ZBTB5: variants seen among roughly 807,000 people sequenced by gnomAD.
ZBTB5 encodes the protein zinc finger and BTB domain-containing protein 5.
A neutral mutation model predicts 37.9 loss-of-function variants in ZBTB5; 15 were observed. That is an observed-to-expected ratio of 0.40 (90% CI 0.26 to 0.61). ZBTB5 has a LOEUF of 0.61. Among genes scored for constraint, ZBTB5 ranks in the 20% least tolerant of loss-of-function variants. ZBTB5 has a pLI of 0.47. For missense variants in ZBTB5, 708 were observed against 856.8 expected (o/e 0.83, Z 2.17); for synonymous variants, 315 against 312.4 (o/e 1.01, Z -0.09).
At chr9:37,454,597 A>C (rs765223360) in intron 1 of ZBTB5, among the ~76,000 whole-genome samples, 11 of 152,264 alleles carry the variant, frequency 7.2e-5, no homozygotes, top group Non-Finnish European at 1.5e-4. Context: ...CATTAACATG[A>C]ATAATCAAAA....
chr9:37,464,694 T>C (rs1005412336), intron 1 of ZBTB5, among the ~76,000 whole-genome samples: 1 of 152,232 alleles, frequency 6.6e-6, no homozygotes, highest in Non-Finnish European at 1.5e-5. Flanking sequence ...AAATGCCTAT[T>C]AAACACTTCA....
At chr9:37,463,569 C>G (rs769216257) in intron 1 of ZBTB5, among the ~76,000 whole-genome samples, 1 of 152,162 alleles carries the variant, frequency 6.6e-6, no homozygotes, top group Non-Finnish European at 1.5e-5. Context: ...GTCTCCAATT[C>G]GATATAATTC....
rs950475375 is a variant in ZBTB5, at chr9:37,439,111, G to A, written c.*1407C>T. On this transcript the variant is annotated 3_prime_UTR_variant, in exon 2 of 2. Transcript: ENST00000307750. ...ATAAAATGAACTCATGTTCATGCAT[G>A]AATTAAACTGACTTCATGAGTTCTA... The A allele has an allele frequency of 2.6e-5, 4 of 152,224 alleles. No individual in the cohort carries two copies. The highest frequency in any genetic ancestry group is 4.4e-5 in the Non-Finnish European group (3 of 68,048). 9.4% of individuals were successfully genotyped at this position (152,224 alleles called of 1,614,324 possible).
At chr9:37,460,400 C>T (rs566846242) in intron 1 of ZBTB5, among the ~76,000 whole-genome samples, 17 of 151,576 alleles carry the variant, frequency 1.1e-4, no homozygotes, top group African/African-American at 3.9e-4. Context: ...CGCGCCATTG[C>T]GCTGGATCCA....
rs568780044 is a variant in ZBTB5, at chr9:37,464,659, A to C, written c.-5+556T>G. Among the ~76,000 whole-genome samples, 36 of 152,364 alleles carry C rather than the reference A, an allele frequency of 2.4e-4. No individual in the cohort carries two copies. The South Asian group carries it at 7.5e-3, about 32-fold the overall frequency. ...GCATCCCCCACAGCTCCTCGCACGA[A>C]GCCTGGGAGTAGTGGGCATTCAATA... On this transcript the variant is annotated intron_variant, in intron 1 of 1. Coordinates refer to ENST00000307750, the MANE Select transcript of ZBTB5 (RefSeq NM_014872.3).
chr9:37,450,293 C>T (rs922898178), intron 1 of ZBTB5, among the ~76,000 whole-genome samples: 1 of 152,002 alleles, frequency 6.6e-6, no homozygotes, highest in Admixed American at 6.6e-5. Flanking sequence ...GGTATTTACC[C>T]CAGACAACGA....
chr9:37,452,649 T>C (rs1403971159), intron 1 of ZBTB5, among the ~76,000 whole-genome samples: 1 of 152,128 alleles, frequency 6.6e-6, no homozygotes, highest in African/African-American at 2.4e-5. Flanking sequence ...AGTAAAGGTA[T>C]AATATGGGGC....
At chr9:37,459,473 A>C (rs1824249697) in intron 1 of ZBTB5, among the ~76,000 whole-genome samples, 1 of 152,014 alleles carries the variant, frequency 6.6e-6, no homozygotes, top group Non-Finnish European at 1.5e-5. Context: ...AAAAAAAAAA[A>C]AGTTTTCTTT....
rs371049063 is a variant in ZBTB5, at chr9:37,441,829, C to A, written c.723G>T (p.Val241=). The A allele has an allele frequency of 8.7e-6, 14 of 1,614,084 alleles. No homozygotes were observed. The highest frequency in any genetic ancestry group is 1.3e-5 in the African/African-American group (1 of 75,012). ...EFFSPDSLKI[V]DNPKADGMTD... ...TCATTCCATCAGCTTTAGGATTATC[C>A]ACAATTTTCAGAGAATCTGGTGAAA... The change falls in exon 2 of 2, where the codon GTG becomes GTT. Residue 241 remains valine, a synonymous_variant. Transcript: ENST00000307750.
At chr9:37,443,352 A>G (rs1002242121) in intron 1 of ZBTB5, among the ~76,000 whole-genome samples, 1 of 151,982 alleles carries the variant, frequency 6.6e-6, no homozygotes, top group African/African-American at 2.4e-5. Context: ...AAAAAACACT[A>G]AAGTTTTTGT....
intron 1 of ZBTB5, among the ~76,000 whole-genome samples, chr9:37,444,740 A>G (rs543465334): frequency 6.6e-6 from 1 of 152,344 alleles, no homozygotes; most frequent in Non-Finnish European, 1.5e-5. Flanking sequence ...CTATTAATCA[A>G]TTAGGATAAA....
At chr9:37,451,361 G>A (rs1217805741) in intron 1 of ZBTB5, among the ~76,000 whole-genome samples, 2 of 152,016 alleles carry the variant, frequency 1.3e-5, no homozygotes, top group Non-Finnish European at 2.9e-5. Flanking sequence ...GAGGCCAGGA[G>A]TTTGAGACCA....
At position 37,448,954 on chromosome 9, in the gene ZBTB5, G is replaced by C. The variant is rs1824046276; in HGVS notation, c.-4-6399C>G. ...AGCTACTGGGGAGGCTGAGGCAGGAGAATCGCTTGAACCCAGAAGGCGGAG... is the reference window on the plus strand; with the variant it reads ...AGCTACTGGGGAGGCTGAGGCAGGACAATCGCTTGAACCCAGAAGGCGGAG... On this transcript the variant is annotated intron_variant, in intron 1 of 1. Coordinates refer to ENST00000307750, the MANE Select transcript of ZBTB5 (RefSeq NM_014872.3). Among the ~76,000 whole-genome samples the C allele has an allele frequency of 5.3e-5, 8 of 151,540 alleles. No homozygotes were observed. In the Admixed American group the frequency reaches 5.3e-4, roughly 10 times the overall value.
At chr9:37,449,686 G>A (rs1588778709) in intron 1 of ZBTB5, among the ~76,000 whole-genome samples, 2 of 127,120 alleles carry the variant, frequency 1.6e-5, no homozygotes, top group South Asian at 2.5e-4. Flanking sequence ...GCGATAGTAT[G>A]AGACTCTCAA....
At chr9:37,448,872 C>T (rs1486209943) in intron 1 of ZBTB5, among the ~76,000 whole-genome samples, 1 of 151,694 alleles carries the variant, frequency 6.6e-6, no homozygotes, top group South Asian at 2.1e-4. Flanking sequence ...GGTGAAACCC[C>T]GACTCTACTA....
intron 1 of ZBTB5, among the ~76,000 whole-genome samples, chr9:37,453,312 C>T (rs1381955382): frequency 4.6e-5 from 7 of 151,896 alleles, no homozygotes; most frequent in African/African-American, 9.7e-5. Context: ...CTCAGCCTCC[C>T]GTTGGCTGGG....
intron 1 of ZBTB5, among the ~76,000 whole-genome samples, chr9:37,453,044 T>C (rs960470515): frequency 2.0e-5 from 3 of 152,050 alleles, no homozygotes; most frequent in Non-Finnish European, 4.4e-5. Context: ...CAGATGCTAC[T>C]GTCTATTAGT....
intron 1 of ZBTB5, among the ~76,000 whole-genome samples, chr9:37,458,814 G>A (rs560715162): frequency 1.3e-5 from 2 of 152,136 alleles, no homozygotes; most frequent in Admixed American, 6.5e-5. Context: ...TATAAAACAA[G>A]GTATGGGTAA....
At chr9:37,453,854 T>G (rs987287913) in intron 1 of ZBTB5, among the ~76,000 whole-genome samples, 1 of 152,182 alleles carries the variant, frequency 6.6e-6, no homozygotes, top group East Asian at 1.9e-4. Context: ...GATTACAAAC[T>G]GTGAGGGAGT....
Sources: allele counts gnomAD v4.1 joint callset (sites outside exome capture counted in the v4.1 genomes callset), GRCh38; gene constraint gnomAD v4.1.1; transcripts MANE v1.5; gene names NCBI Gene and HGNC (gene_info 2026-07-23, HGNC 2026-07-21).